SCARA3: variants seen among roughly 807,000 people sequenced by gnomAD.
SCARA3 encodes scavenger receptor class A member 3, also known as cellular stress response gene protein.
Under a neutral mutation model 47.0 loss-of-function variants are expected in SCARA3, and 39 were observed. The ratio of observed to expected loss-of-function variants is 0.83; its 90% CI spans 0.64 to 1.08. The LOEUF (loss-of-function observed/expected upper bound fraction) is 1.08. Among genes scored for constraint, SCARA3 ranks in the 50% least tolerant of loss-of-function variants. The pLI is 0.00. For synonymous variants in SCARA3, 356 were observed against 334.1 expected (o/e 1.07, Z -0.71); for missense variants, 724 against 792.3 (o/e 0.91, Z 1.04).
chr8:27,671,239 C>T lies in SCARA3; in HGVS notation c.1709C>T (p.Thr570Ile). ...GGAAAACCGGGAATTGCAGGGAAGA[C>T]AGGGTCACCAGGCCAGCGGGGGGCC... ...PQGKPGIAGK[T>I]GSPGQRGAMG... The change falls in exon 6 of 6, where the codon ACA becomes ATA. Residue 570 changes from threonine to isoleucine, a missense_variant. Coordinates refer to ENST00000301904, the MANE Select transcript of SCARA3 (RefSeq NM_016240.3). 2 of 1,499,256 alleles carry T rather than the reference C, an allele frequency of 1.3e-6. No homozygotes were observed. The highest frequency in any genetic ancestry group is 1.8e-6 in the Non-Finnish European group (2 of 1,128,818). 92.9% of individuals were successfully genotyped at this position (1,499,256 alleles called of 1,614,324 possible).
chr8:27,649,726 A>G lies in SCARA3; in HGVS notation c.32A>G (p.Asp11Gly). 1 of 1,614,046 alleles carries G rather than the reference A, an allele frequency of 6.2e-7. No homozygotes were observed. Among genetic ancestry groups the G allele is most frequent in the African/African-American group, 1.3e-5 (1 of 74,996 alleles). Residue 11 changes from aspartate to glycine, a missense_variant, in exon 2 of 6, where the codon GAT becomes GGT. Asp to Gly is a moderately conservative substitution (Grantham distance 94, BLOSUM62 -1). Transcript: ENST00000301904. ...GTGAGGTCGGCCGGCGGCGATGGAGATGCCTTGTGCGTTACAGAAGAGGAC... is the reference window on the plus strand; with the variant it reads ...GTGAGGTCGGCCGGCGGCGATGGAGGTGCCTTGTGCGTTACAGAAGAGGAC... MKVRSAGGDG[D>G]ALCVTEEDLA...
chr8:27,649,168 A>G (rs1801575533), intron 1 of SCARA3, among the ~76,000 whole-genome samples: 1 of 152,104 alleles, frequency 6.6e-6, no homozygotes, highest in South Asian at 2.1e-4. Context: ...GCCCTTTGAC[A>G]CCCTGATGGG....
intron 1 of SCARA3, among the ~76,000 whole-genome samples, chr8:27,635,519 G>T (rs1326618037): frequency 3.3e-5 from 5 of 152,162 alleles, no homozygotes; most frequent in Middle Eastern, 3.2e-3. Flanking sequence ...CATGATCATA[G>T]CTCACTGCAG....
chr8:27,727,917 G>A, the SCARA3 span, among the ~76,000 whole-genome samples: 1 of 152,182 alleles, frequency 6.6e-6, no homozygotes, highest in Non-Finnish European at 1.5e-5. Flanking sequence ...GAATCCACGG[G>A]CCCAGGAAGG....
At position 27,671,972 on chromosome 8, in the gene SCARA3, G is replaced by A; in HGVS notation, c.*621G>A. The A allele has an allele frequency of 1.0e-6, 1 of 985,364 alleles. No homozygotes were observed. Among genetic ancestry groups the A allele is most frequent in the Non-Finnish European group, 1.2e-6 (1 of 829,938 alleles). The allele number at this position is 985,364 out of a possible 1,614,324, so 61.0% of individuals were successfully genotyped here. A position where few individuals can be genotyped will look rare whatever the true frequency, so the allele number is the denominator to read the frequency against. On this transcript the variant is annotated 3_prime_UTR_variant, in exon 6 of 6. Coordinates refer to ENST00000301904, the MANE Select transcript of SCARA3 (RefSeq NM_016240.3). ...GGAGGAAGGTCTCACATCTGTCTCT[G>A]GGCACCCATGCTGGCCAGCAGTTTC... is the stretch of plus-strand genomic sequence containing the variant.
In SCARA3 at chr8:27,658,746, G is replaced by A; in HGVS notation, c.576G>A (p.Val192=). 6.2e-7 allele frequency: 1 copy of A among 1,614,124 alleles called. No homozygotes were observed. The highest frequency in any genetic ancestry group is 2.2e-5 in the East Asian group (1 of 44,870). ...NQSLGLFLAQ[V]RGWQATTAGL... ...CTCTGGGGCTCTTCCTGGCCCAGGT[G>A]AGAGGCTGGCAGGCCACCACAGCTG... The change falls in exon 5 of 6, where the codon GTG becomes GTA. Residue 192 remains valine (V), a synonymous_variant. Transcript: ENST00000301904.
At chr8:27,696,906 C>T in the SCARA3 span, among the ~76,000 whole-genome samples, 3 of 152,070 alleles carry the variant, frequency 2.0e-5, no homozygotes, top group Admixed American at 6.6e-5. Context: ...GAATGACTAT[C>T]ATTGGGCATG....
intron 5 of SCARA3, among the ~76,000 whole-genome samples, chr8:27,670,514 A>G (rs1331996824): frequency 6.6e-6 from 1 of 151,972 alleles, no homozygotes; most frequent in Non-Finnish European, 1.5e-5. Context: ...CCTGACTTGA[A>G]CCCTGTTCCC....
chr8:27,705,618 T>C, the SCARA3 span, among the ~76,000 whole-genome samples: 1 of 152,272 alleles, frequency 6.6e-6, no homozygotes, highest in Non-Finnish European at 1.5e-5. Context: ...CATTTCTTCA[T>C]GTATTCATTT....
the SCARA3 span, among the ~76,000 whole-genome samples, chr8:27,684,134 G>A: frequency 1.3e-5 from 2 of 152,040 alleles, no homozygotes; most frequent in Non-Finnish European, 2.9e-5. Context: ...ATTTAGACAG[G>A]TATCTACATT....
Position 27,672,929 on chromosome 8 carries a change from C to CACACCCCACGGCCATGT in SCARA3, c.*1580_*1596dup, listed in dbSNP as rs756593399. 9.3e-5 allele frequency: 92 copies of CACACCCCACGGCCATGT among 985,442 alleles called. No homozygotes were observed. The highest frequency in any genetic ancestry group is 1.1e-4 in the Non-Finnish European group (90 of 830,018). The allele number at this position is 985,442 out of a possible 1,614,324, so 61.0% of individuals were successfully genotyped here. A position where few individuals can be genotyped will look rare whatever the true frequency, so the allele number is the denominator to read the frequency against. On this transcript the variant is annotated 3_prime_UTR_variant, in exon 6 of 6. Coordinates refer to ENST00000301904, the MANE Select transcript of SCARA3 (RefSeq NM_016240.3). ...CTGGATGTGCAACTGGTTTGCACTG[C>CACACCCCACGGCCATGT]ACACCCCACGGCCATGTAACTCTCC... is the stretch of plus-strand genomic sequence containing the variant.
chr8:27,634,721 C>T lies in SCARA3; in HGVS notation c.7+514C>T, dbSNP rs570203390. Among the ~76,000 whole-genome samples, 5 of 152,290 alleles carry T rather than the reference C, an allele frequency of 3.3e-5. 1 individual carries two copies. The highest frequency in any genetic ancestry group is 1.2e-4 in the African/African-American group (5 of 41,550). On this transcript the variant is annotated intron_variant, in intron 1 of 5. Coordinates refer to ENST00000301904, the MANE Select transcript of SCARA3 (RefSeq NM_016240.3). ...GGCCCTGCCCTTCCCAACCCCTGAA[C>T]CCTGCCTGACCCACCCTCTGACCTC...
At chr8:27,687,691 C>A in the SCARA3 span, among the ~76,000 whole-genome samples, 2 of 152,020 alleles carry the variant, frequency 1.3e-5, no homozygotes, top group Non-Finnish European at 2.9e-5. Context: ...TGGTGTCTGG[C>A]CCAAGAGGGG....
the SCARA3 span, among the ~76,000 whole-genome samples, chr8:27,717,781 T>C: frequency 6.6e-6 from 1 of 151,962 alleles, no homozygotes; most frequent in Non-Finnish European, 1.5e-5. Flanking sequence ...CGAGACTCCA[T>C]CTCAAAAAAA....
intron 5 of SCARA3, among the ~76,000 whole-genome samples, chr8:27,663,178 C>T (rs551811583): frequency 1.3e-5 from 2 of 152,326 alleles, no homozygotes; most frequent in Admixed American, 1.3e-4. Context: ...GTGCACAGCC[C>T]AAAGATCTAC....
At chr8:27,635,866 G>A (rs563118235) in intron 1 of SCARA3, among the ~76,000 whole-genome samples, 1 of 152,306 alleles carries the variant, frequency 6.6e-6, no homozygotes, top group South Asian at 2.1e-4. Context: ...GTGGACAGAA[G>A]TGAGTTGTTA....
At chr8:27,670,300 C>T (rs1802115708) in intron 5 of SCARA3, among the ~76,000 whole-genome samples, 1 of 152,206 alleles carries the variant, frequency 6.6e-6, no homozygotes. Context: ...TGTTTGCTTT[C>T]ACTGTGAGGT....
chr8:27,723,565 G>T, the SCARA3 span, among the ~76,000 whole-genome samples: 4 of 152,034 alleles, frequency 2.6e-5, no homozygotes, highest in South Asian at 2.1e-4. Flanking sequence ...TGTCCCAGTC[G>T]ATCCCTTCTC....
At chr8:27,708,022 A>G in the SCARA3 span, among the ~76,000 whole-genome samples, 1 of 152,284 alleles carries the variant, frequency 6.6e-6, no homozygotes, top group African/African-American at 2.4e-5. Flanking sequence ...GAAAACTATA[A>G]GAGAATAGGC....
Sources: gnomAD v4.1 joint callset for allele counts (sites outside exome capture counted in the v4.1 genomes callset) on GRCh38, gnomAD v4.1.1 for gene constraint, MANE v1.5 for transcripts, NCBI Gene and HGNC (gene_info 2026-07-23, HGNC 2026-07-21) for gene names.